Variants in C11orf24 observed in about 807,000 individuals in gnomAD.
C11orf24 encodes uncharacterized protein C11orf24.
A neutral mutation model predicts 7.3 loss-of-function variants in C11orf24; 5 were observed. The ratio of observed to expected loss-of-function variants is 0.69; its 90% confidence interval spans 0.36 to 1.45. C11orf24 has a LOEUF of 1.45. C11orf24 is among the 40% of genes most tolerant of loss of function. C11orf24 has a pLI of 0.03. For synonymous variants in C11orf24, 233 were observed against 235.7 expected (o/e 0.99, Z 0.11); for missense variants, 566 against 590.5 (o/e 0.96, Z 0.43).
chr11:68,262,804 G>A lies in C11orf24; in HGVS notation c.191C>T (p.Thr64Ile), dbSNP rs61752547. 2,280 of 1,614,160 alleles carry A rather than the reference G, an allele frequency of 1.4e-3. 34 individuals are homozygous for A. The African/African-American group carries it at 0.028, about 20-fold the overall frequency. ...GGCTGCCGAAGTCCCTTTGGTCAAT[G>A]TGACAGGAGAAGCTGCTGCCATGGT... ...DVTMAAASPV[T>I]LTKGTSAAHL... The change falls in exon 4 of 4, where the codon ACA (threonine) becomes ATA (isoleucine). Residue 64 changes from threonine (T) to isoleucine (I), a missense_variant. Transcript: ENST00000304271.
At chr11:68,268,861 A>G (rs2098566528) in intron 1 of C11orf24, among the ~76,000 whole-genome samples, 1 of 152,238 alleles carries the variant, frequency 6.6e-6, no homozygotes, top group African/African-American at 2.4e-5. Context: ...GTATGGCCCC[A>G]TTCATATATA....
In C11orf24 at chr11:68,262,598, G is replaced by A; in HGVS notation, c.397C>T (p.Pro133Ser). The A allele has an allele frequency of 6.2e-7, 1 of 1,613,736 alleles. No individual in the cohort carries two copies. Among genetic ancestry groups the A allele is most frequent in the Non-Finnish European group, 8.5e-7 (1 of 1,179,944 alleles). ...GTTGTACTGGAGGCTGCAGTCGTGG[G>A]AGCACTGGAGGCCACAGTCATACTG... The part of the protein sequence containing the change: ...ASSMTVASSA[P>S]TTAASSTTVA... The change falls in exon 4 of 4, where the codon CCC (proline) becomes TCC (serine). Residue 133 changes from proline to serine, a missense_variant. Physicochemically the swap from Pro to Ser is moderately conservative, Grantham distance 74. Transcript: ENST00000304271.
chr11:68,262,339 G>T lies in C11orf24; in HGVS notation c.656C>A (p.Thr219Asn). 3 of 1,614,106 alleles carry T rather than the reference G, an allele frequency of 1.9e-6. No homozygotes were observed. Among genetic ancestry groups the T allele is most frequent in the Non-Finnish European group, 2.5e-6 (3 of 1,179,986 alleles). The change falls in exon 4 of 4, where the codon ACC (threonine) becomes AAC (asparagine). Residue 219 changes from threonine to asparagine, a missense_variant. Coordinates refer to ENST00000304271, the MANE Select transcript of C11orf24 (RefSeq NM_022338.4). ...CATGGGGCTGCTTGTGTTTGCTGTG[G>T]TCGCTACAGTCTGAGCACGTGTGGC... The part of the protein sequence containing the change: ...TLATRAQTVA[T>N]TANTSSPMST...
Position 68,261,879 on chromosome 11 carries a change from G to A in C11orf24, c.1116C>T (p.Ala372=), listed in dbSNP as rs1163865557. ...GGGTGCTGGGCTGGCACGAGTCCGT[G>A]GCTGGCATCTTAGTGCCCCCTGAGC... The part of the protein sequence containing the change: ...PRSSGGTKMP[A]TDSCQPSTQG... The change falls in exon 4 of 4, where the codon GCC becomes GCT. Residue 372 remains alanine, a synonymous_variant. Transcript: ENST00000304271. 2 of 1,614,088 alleles carry A rather than the reference G, an allele frequency of 1.2e-6. No homozygotes were observed. Among genetic ancestry groups the A allele is most frequent in the East Asian group, 4.5e-5 (2 of 44,882 alleles).
intron 2 of C11orf24, among the ~76,000 whole-genome samples, 164 bp from the exon 3 acceptor site, chr11:68,264,030 T>G (rs2098563300): frequency 6.6e-6 from 1 of 152,164 alleles, no homozygotes; most frequent in Non-Finnish European, 1.5e-5. Context: ...CATGGTATAG[T>G]AATGAACTGC....
chr11:68,266,427 T>C (rs1389899888), intron 2 of C11orf24, among the ~76,000 whole-genome samples: 1 of 152,250 alleles, frequency 6.6e-6, no homozygotes. Context: ...GGAAGGCTGG[T>C]GTGTTCCACG....
intron 2 of C11orf24, among the ~76,000 whole-genome samples, chr11:68,266,649 T>C (rs527249186): frequency 6.6e-6 from 1 of 151,838 alleles, no homozygotes; most frequent in East Asian, 1.9e-4. Flanking sequence ...AACTAACCAA[T>C]ATCATGCAAG....
In C11orf24 at chr11:68,262,667, C is replaced by A; in HGVS notation, c.328G>T (p.Val110Leu). The A allele has an allele frequency of 6.2e-7, 1 of 1,614,072 alleles. No homozygotes were observed. The highest frequency in any genetic ancestry group is 1.1e-5 in the South Asian group (1 of 91,072). The change falls in exon 4 of 4, where the codon GTG (valine) becomes TTG (leucine). Residue 110 changes from valine (V) to leucine (L), a missense_variant. By Grantham distance (32) the Val-to-Leu change is conservative. Coordinates refer to ENST00000304271, the MANE Select transcript of C11orf24 (RefSeq NM_022338.4). ...DGVTSIAPTA[V>L]ASSTTAASIT... ...GAGGCCGCAGTCGTACTGGAGGCCA[C>A]AGCCGTGGGAGCAATGGAGGTCACA...
At chr11:68,265,520 A>T (rs185921014) in intron 2 of C11orf24, among the ~76,000 whole-genome samples, 1 of 152,120 alleles carries the variant, frequency 6.6e-6, no homozygotes, top group Non-Finnish European at 1.5e-5. Context: ...TATTTTTTTG[A>T]GATGGGTCTC....
At chr11:68,266,457 A>G (rs7342161) in intron 2 of C11orf24, among the ~76,000 whole-genome samples, 91,529 of 152,082 alleles carry the variant, frequency 0.6, 27,831 homozygotes, top group South Asian at 0.71. Flanking sequence ...GTCTCTTTCC[A>G]AGAGTCACTA....
intron 2 of C11orf24, among the ~76,000 whole-genome samples, 161 bp from the exon 3 acceptor site, chr11:68,264,027 T>C (rs2098563297): frequency 6.6e-6 from 1 of 152,296 alleles, no homozygotes; most frequent in Admixed American, 6.5e-5. Flanking sequence ...AGCCATGGTA[T>C]AGTAATGAAC....
chr11:68,269,315 A>G (rs111391787), intron 1 of C11orf24, among the ~76,000 whole-genome samples: 1,628 of 152,346 alleles, frequency 0.011, 42 homozygotes, highest in African/African-American at 0.037. Flanking sequence ...ACATTTTCCT[A>G]GGAGCCAACC....
Position 68,269,660 on chromosome 11 carries a change from TCACACACACAAAGGTGAGGG to T in C11orf24, c.-297-1429_-297-1410del, listed in dbSNP as rs1421951348. ...CAGGCACACACATACACATGCAAAATCACACACACAAAGGTGAGGGCACACACACGGAGCAGGTCCACAAG... is the reference window on the plus strand; with the variant it reads ...CAGGCACACACATACACATGCAAAATCACACACACGGAGCAGGTCCACAAG... On this transcript the variant is annotated intron_variant, in intron 1 of 3. Coordinates refer to ENST00000304271, the MANE Select transcript of C11orf24 (RefSeq NM_022338.4). Among the ~76,000 whole-genome samples, 169 of 152,086 alleles carry T rather than the reference TCACACACACAAAGGTGAGGG, an allele frequency of 1.1e-3. 1 individual carries two copies. Among genetic ancestry groups the T allele is most frequent in the African/African-American group, 4.0e-3 (164 of 41,474 alleles).
chr11:68,269,475 G>A (rs567150328), intron 1 of C11orf24, among the ~76,000 whole-genome samples: 80 of 152,328 alleles, frequency 5.3e-4, no homozygotes, highest in Middle Eastern at 6.8e-3. Context: ...TCAGTAGGTG[G>A]TGATATCAAG....
At chr11:68,266,545 A>C (rs1320001489) in intron 2 of C11orf24, among the ~76,000 whole-genome samples, 1 of 152,150 alleles carries the variant, frequency 6.6e-6, no homozygotes, top group Non-Finnish European at 1.5e-5. Context: ...GGCTTAGAAA[A>C]ATTACTTGGC....
Position 68,262,572 on chromosome 11 carries a change from A to C in C11orf24, c.423T>G (p.Thr141=), listed in dbSNP as rs199751345. 6.2e-7 allele frequency: 1 copy of C among 1,608,500 alleles called. No individual in the cohort carries two copies. Among genetic ancestry groups the C allele is most frequent in the African/African-American group, 1.3e-5 (1 of 74,794 alleles). Residue 141 remains threonine (T), a synonymous_variant, in exon 4 of 4, where the codon ACT becomes ACG. Transcript: ENST00000304271. ...SAPTTAASST[T]VASIAPTTAA... is the part of the protein sequence containing the mutation. ...CAGTCGTGGGAGCAATGGAGGCCAC[A>C]GTTGTACTGGAGGCTGCAGTCGTGG...
At position 68,262,434 on chromosome 11, in the gene C11orf24, A is replaced by G; in HGVS notation, c.561T>C (p.Ser187=). ...TPSTTATGHP[S]LSTALAQVPK... ...GCACTTGTGCGAGGGCTGTGCTGAGAGATGGATGCCCAGTGGCGGTAGTGG... is the reference window on the plus strand; with the variant it reads ...GCACTTGTGCGAGGGCTGTGCTGAGGGATGGATGCCCAGTGGCGGTAGTGG... Residue 187 remains serine, a synonymous_variant, in exon 4 of 4, where the codon TCT becomes TCC. Coordinates refer to ENST00000304271, the MANE Select transcript of C11orf24 (RefSeq NM_022338.4). 6.2e-7 allele frequency: 1 copy of G among 1,614,088 alleles called. No homozygotes were observed. The highest frequency in any genetic ancestry group is 8.5e-7 in the Non-Finnish European group (1 of 1,180,022).
At chr11:68,265,531 G>A (rs1356157514) in intron 2 of C11orf24, among the ~76,000 whole-genome samples, 7 of 152,224 alleles carry the variant, frequency 4.6e-5, no homozygotes, top group African/African-American at 1.2e-4. Context: ...GATGGGTCTC[G>A]CTCTGCTGCC....
intron 1 of C11orf24, among the ~76,000 whole-genome samples, chr11:68,269,083 T>C (rs890766934): frequency 1.3e-5 from 2 of 151,242 alleles, no homozygotes; most frequent in African/African-American, 4.9e-5. Context: ...CACCTGTGAT[T>C]TTCATTCTCT....
Sources: allele counts gnomAD v4.1 joint callset (sites outside exome capture counted in the v4.1 genomes callset), GRCh38; gene constraint gnomAD v4.1.1; transcripts MANE v1.5; gene names NCBI Gene and HGNC (gene_info 2026-07-23, HGNC 2026-07-21).